NF1: variants seen among roughly 807,000 people sequenced by gnomAD.
The protein encoded by NF1 is neurofibromin.
NF1 carries 122 observed loss-of-function variants against 325.7 expected under a neutral mutation model. The observed-to-expected ratio is 0.37, with a 90% CI of 0.32 to 0.44. The LOEUF is 0.44. NF1 is among the 20% of genes least tolerant of loss of function. The pLI, the probability that NF1 is intolerant of heterozygous loss-of-function variation, is 1.00. For synonymous variants in NF1, 1,091 were observed against 1,186.0 expected (o/e 0.92, Z 1.65); for missense variants, 2,140 against 3,415.4 (o/e 0.63, Z 9.31).
intron 29 of NF1, among the ~76,000 whole-genome samples, 176 bp downstream of exon 29, chr17:31,236,197 T>A (rs1225072933): frequency 2.0e-5 from 3 of 152,196 alleles, no homozygotes; most frequent in African/African-American, 4.8e-5. Flanking sequence ...AATTTTTTTT[T>A]AAGGTATCCT....
intron 34 of NF1, among the ~76,000 whole-genome samples, chr17:31,260,977 T>A (rs906233224): frequency 1.3e-5 from 2 of 152,156 alleles, no homozygotes; most frequent in African/African-American, 4.8e-5. Context: ...GCACAGTGGA[T>A]TACACCTATA....
chr17:31,362,269 A>G, intron 57 of NF1: 1 of 984,648 alleles, frequency 1.0e-6, no homozygotes, highest in Non-Finnish European at 1.2e-6. Flanking sequence ...GCAAAACTTA[A>G]AATTTACTTT....
At chr17:31,181,315 A>T (rs1024418296) in intron 5 of NF1, 107 bp from the exon 6 acceptor site, 2 of 1,034,974 alleles carry the variant, frequency 1.9e-6, no homozygotes, top group Admixed American at 2.1e-5. Flanking sequence ...TTGCTTACAG[A>T]TAATATTGGA....
chr17:31,298,557 C>A (rs1417769620), intron 36 of NF1, among the ~76,000 whole-genome samples: 1 of 151,996 alleles, frequency 6.6e-6, no homozygotes, highest in African/African-American at 2.4e-5. Flanking sequence ...CTAGGAGCCA[C>A]CTTTTGTATA....
chr17:31,294,775 A>G (rs1258530660), intron 36 of NF1: 2 of 566,018 alleles, frequency 3.5e-6, no homozygotes, highest in South Asian at 2.1e-5. Context: ...TTTTTTTTAT[A>G]AAAGAAACTC....
chr17:31,224,610 A>C (rs2066981325), intron 16 of NF1, among the ~76,000 whole-genome samples: 1 of 152,152 alleles, frequency 6.6e-6, no homozygotes, highest in African/African-American at 2.4e-5. Context: ...GGAATCCAGT[A>C]ATGAATTCAT....
At chr17:31,143,978 C>T (rs1277594989) in intron 1 of NF1, among the ~76,000 whole-genome samples, 4 of 152,054 alleles carry the variant, frequency 2.6e-5, no homozygotes, top group East Asian at 3.9e-4. Flanking sequence ...CCTGCCACGA[C>T]GCCCAGCTAA....
At chr17:31,221,750 C>T in intron 14 of NF1, 100 bp from the exon 15 acceptor site, 1 of 819,968 alleles carries the variant, frequency 1.2e-6, no homozygotes, top group African/African-American at 1.7e-5. Flanking sequence ...TGAAAGAGCT[C>T]AATTTCTTAG....
At chr17:31,281,580 A>G (rs1336194204) in intron 36 of NF1, among the ~76,000 whole-genome samples, 1 of 152,110 alleles carries the variant, frequency 6.6e-6, no homozygotes, top group Non-Finnish European at 1.5e-5. Flanking sequence ...CCCCTTTGCC[A>G]TGCCCTGACA....
chr17:31,117,010 G>A (rs1913978664), intron 1 of NF1, among the ~76,000 whole-genome samples: 1 of 142,320 alleles, frequency 7.0e-6, no homozygotes, highest in Admixed American at 6.9e-5. Context: ...TTGAGATGGA[G>A]TCTCACTATT....
chr17:31,107,028 G>A (rs1912918415), intron 1 of NF1, among the ~76,000 whole-genome samples: 1 of 152,104 alleles, frequency 6.6e-6, no homozygotes, highest in Non-Finnish European at 1.5e-5. Flanking sequence ...ATTCCTGGAT[G>A]TGGTTTTTTT....
intron 36 of NF1, among the ~76,000 whole-genome samples, chr17:31,282,213 T>C (rs1012093317): frequency 1.3e-5 from 2 of 151,716 alleles, no homozygotes; most frequent in Non-Finnish European, 2.9e-5. Context: ...AAACCCCGTC[T>C]CTACTAAAAA....
At chr17:31,132,211 C>T (rs918246329) in intron 1 of NF1, among the ~76,000 whole-genome samples, 2 of 151,984 alleles carry the variant, frequency 1.3e-5, no homozygotes, top group African/African-American at 2.4e-5. Flanking sequence ...GGATTACAGG[C>T]GTGAGCCACT....
At chr17:31,229,712 A>G (rs937644319) in intron 21 of NF1, 123 bp from the exon 22 acceptor site, 8 of 1,247,920 alleles carry the variant, frequency 6.4e-6, no homozygotes, top group African/African-American at 4.4e-5. Flanking sequence ...CTGTATGCTT[A>G]TTTGGCTCTA....
In NF1 at chr17:31,336,260, C is replaced by A; in HGVS notation, c.6007-73C>A. The A allele has an allele frequency of 6.6e-7, 1 of 1,506,160 alleles. No individual in the cohort carries two copies. 93.3% of individuals were successfully genotyped at this position (1,506,160 alleles called of 1,614,324 possible). ...AATTTTCATATTGATTAGGCTGTTC[C>A]AATGAATATTTTTTAATTAAAAATT... is the stretch of plus-strand genomic sequence containing the variant. On this transcript the variant is annotated intron_variant, in intron 40 of 57. Transcript: ENST00000358273. The surrounding 1 kb of genome is among the most constrained non-coding windows in gnomAD (Gnocchi z 5.5).
chr17:31,198,444 T>C (rs2066470847), intron 8 of NF1, among the ~76,000 whole-genome samples: 1 of 152,214 alleles, frequency 6.6e-6, no homozygotes, highest in East Asian at 1.9e-4. Flanking sequence ...TAGTTATAGT[T>C]CTATTTAGAT....
intron 36 of NF1, among the ~76,000 whole-genome samples, chr17:31,268,878 A>G (rs201357790): frequency 6.6e-5 from 10 of 150,684 alleles, no homozygotes; most frequent in African/African-American, 2.4e-4. Context: ...TATTATTATT[A>G]TTTTTTTTGT....
At chr17:31,187,241 C>CAGGCTGGAG (rs1332171662) in intron 8 of NF1, among the ~76,000 whole-genome samples, 1 of 152,160 alleles carries the variant, frequency 6.6e-6, no homozygotes, top group Non-Finnish European at 1.5e-5. Context: ...GCTCTGTTGC[C>CAGGCTGGAG]AGGCTGGAGT....
intron 8 of NF1, among the ~76,000 whole-genome samples, chr17:31,187,659 A>G (rs796211601): frequency 7.2e-4 from 109 of 152,278 alleles, no homozygotes; most frequent in African/African-American, 2.4e-3. Flanking sequence ...TCAGTGTCCA[A>G]TATATGGTAC....
Sources: allele counts gnomAD v4.1 joint callset (sites outside exome capture counted in the v4.1 genomes callset), GRCh38; gene constraint gnomAD v4.1.1; non-coding constraint Gnocchi (gnomAD v3.1); transcripts MANE v1.5; gene names NCBI Gene and HGNC (gene_info 2026-07-23, HGNC 2026-07-21).